Variants in SLC9C1 observed in about 807,000 individuals in gnomAD.
The protein encoded by SLC9C1 is solute carrier family 9 member C1.
A neutral mutation model predicts 140.9 loss-of-function variants in SLC9C1; 97 were observed. That is an observed-to-expected ratio of 0.69 (90% CI 0.58 to 0.82). The LOEUF (loss-of-function observed/expected upper bound fraction) is 0.82. SLC9C1 is among the 40% of genes least tolerant of loss of function. SLC9C1 has a pLI of 0.00. For synonymous variants in SLC9C1, 440 were observed against 442.6 expected (o/e 0.99, Z 0.07); for missense variants, 1,340 against 1,389.3 (o/e 0.96, Z 0.56).
At chr3:112,247,794 T>G (rs947203634) in intron 10 of SLC9C1, among the ~76,000 whole-genome samples, 1 of 152,098 alleles carries the variant, frequency 6.6e-6, no homozygotes, top group African/African-American at 2.4e-5. Flanking sequence ...AGAATGAGTA[T>G]GTTAGCAAAC....
chr3:112,210,825 A>T (rs969761862), intron 15 of SLC9C1, among the ~76,000 whole-genome samples: 1 of 152,196 alleles, frequency 6.6e-6, no homozygotes, highest in Non-Finnish European at 1.5e-5. Flanking sequence ...GCTACCACCC[A>T]CTTCAAAGCT....
Position 112,267,492 on chromosome 3 carries a change from C to T in SLC9C1, c.776-1152G>A, listed in dbSNP as rs12493751. Among the ~76,000 whole-genome samples, 276 of 144,772 alleles carry T rather than the reference C, an allele frequency of 1.9e-3. 6 individuals carry two copies. Among genetic ancestry groups the T allele is most frequent in the Admixed American group, 0.016 (220 of 13,800 alleles). The allele number at this position is 144,772 out of a possible 152,430, so 95.0% of individuals were successfully genotyped here. A position where few individuals can be genotyped will look rare whatever the true frequency, so the allele number is the denominator to read the frequency against. On this transcript the variant is annotated intron_variant, in intron 7 of 28. Transcript: ENST00000305815. ...TTGGGAGGCTGAGGCAGGAGAATGGCGAGAACCCGAAAGGTGGAGTTTGCA... is the reference window on the plus strand; with the variant it reads ...TTGGGAGGCTGAGGCAGGAGAATGGTGAGAACCCGAAAGGTGGAGTTTGCA...
chr3:112,166,740 A>T (rs916104569), intron 26 of SLC9C1, among the ~76,000 whole-genome samples: 3 of 152,010 alleles, frequency 2.0e-5, no homozygotes, highest in Admixed American at 6.6e-5. Flanking sequence ...TTTTAAATTT[A>T]TCTCAAAAGT....
rs142798462 is a variant in SLC9C1, at chr3:112,271,393, G to GTGTATATATATATATATATATA, written c.614-1317_614-1316insTATATATATATATATATATACA. 2.1e-4 allele frequency among the ~76,000 whole-genome samples: 27 copies of GTGTATATATATATATATATATA among 125,594 alleles called. No homozygotes were observed. In the South Asian group the frequency reaches 4.0e-3, roughly 19 times the overall value. 82.4% of individuals were successfully genotyped at this position (125,594 alleles called of 152,430 possible). ...TAGTTTGATTTAATCATTCTACATT[G>GTGTATATATATATATATATATA]TATATATATATATATATCAAAGCCT... On this transcript the variant is annotated intron_variant, in intron 6 of 28. Transcript: ENST00000305815.
At chr3:112,188,990 A>G (rs1398296341) in intron 20 of SLC9C1, among the ~76,000 whole-genome samples, 3 of 152,160 alleles carry the variant, frequency 2.0e-5, no homozygotes, top group African/African-American at 7.2e-5. Flanking sequence ...ACTAGTGATG[A>G]TGAGCATTTT....
In SLC9C1 at chr3:112,239,929, C is replaced by G. The variant is rs764826708; in HGVS notation, c.1357G>C (p.Ala453Pro). Residue 453 changes from alanine to proline, a missense_variant, in exon 12 of 29, where the codon GCA becomes CCA. By Grantham distance (27) the Ala-to-Pro change is conservative (BLOSUM62 -1). Transcript: ENST00000305815. ...FQHFQELTKS[A>P]ASALKFDKDL... Reference sequence around the variant, plus strand: ...TTGTCAAATTTAAGGGCAGAGGCTGCAGACTTGGTTAGCTCTTGAAAGTGT... The same window carrying G: ...TTGTCAAATTTAAGGGCAGAGGCTGGAGACTTGGTTAGCTCTTGAAAGTGT... 1.2e-6 allele frequency: 2 copies of G among 1,613,954 alleles called. No homozygotes were observed. Among genetic ancestry groups the G allele is most frequent in the Admixed American group, 3.3e-5 (2 of 60,008 alleles).
chr3:112,284,839 AT>A (rs2080457887), intron 2 of SLC9C1, among the ~76,000 whole-genome samples: 1 of 152,126 alleles, frequency 6.6e-6, no homozygotes, highest in South Asian at 2.1e-4. Flanking sequence ...TATTCAAACT[AT>A]TCTTTATAAA....
intron 10 of SLC9C1, among the ~76,000 whole-genome samples, chr3:112,257,525 G>C (rs10804496): frequency 0.3 from 45,034 of 151,886 alleles, 7,233 homozygotes; most frequent in East Asian, 0.43. Flanking sequence ...GGACCCCTTC[G>C]TTACACTACA....
intron 28 of SLC9C1, chr3:112,147,483 G>A (rs1367762130): frequency 9.6e-6 from 4 of 418,410 alleles, no homozygotes; most frequent in African/African-American, 6.3e-5. Flanking sequence ...TGGTCTCATG[G>A]TAATGAATTC....
At chr3:112,241,908 G>A (rs1200617412) in intron 11 of SLC9C1, among the ~76,000 whole-genome samples, 6 of 152,170 alleles carry the variant, frequency 3.9e-5, no homozygotes, top group Admixed American at 6.5e-5. Context: ...GCAGAACAAT[G>A]AAACTGGACC....
chr3:112,210,942 C>A (rs914197294), intron 15 of SLC9C1, among the ~76,000 whole-genome samples: 1 of 152,012 alleles, frequency 6.6e-6, no homozygotes, highest in African/African-American at 2.4e-5. Flanking sequence ...GATCATTTTT[C>A]TTTTATATTA....
intron 23 of SLC9C1, among the ~76,000 whole-genome samples, chr3:112,170,692 ACAGAT>A (rs1293873958): frequency 6.6e-6 from 1 of 152,246 alleles, no homozygotes; most frequent in Non-Finnish European, 1.5e-5. Context: ...CTAAAAGTGA[ACAGAT>A]CATTGGTTAC....
At position 112,239,842 on chromosome 3, in the gene SLC9C1, T is replaced by C. The variant is rs879036998; in HGVS notation, c.1444A>G (p.Met482Val). 1.2e-6 allele frequency: 2 copies of C among 1,609,902 alleles called. No individual in the cohort carries two copies. Among genetic ancestry groups the C allele is most frequent in the Admixed American group, 3.4e-5 (2 of 59,354 alleles). Residue 482 changes from methionine (M) to valine (V), a missense_variant and splice_region_variant, in exon 12 of 29, where the codon ATG becomes GTG. Transcript: ENST00000305815. The part of the protein sequence containing the change: ...EKAITLENPY[M>V]LNEEETTEHQ... Reference sequence around the variant, plus strand: ...TAAAAAAGATATTACTTGCTTACCATGTATGGGTTTTCAAGTGTAATTGCT... The same window carrying C: ...TAAAAAAGATATTACTTGCTTACCACGTATGGGTTTTCAAGTGTAATTGCT...
intron 20 of SLC9C1, among the ~76,000 whole-genome samples, chr3:112,198,443 C>T (rs190480502): frequency 1.3e-4 from 19 of 151,874 alleles, no homozygotes; most frequent in Non-Finnish European, 2.2e-4. Context: ...ATAAGACCTC[C>T]AGCATAGTTA....
chr3:112,283,556 C>T (rs2080418553), intron 2 of SLC9C1, among the ~76,000 whole-genome samples: 1 of 150,784 alleles, frequency 6.6e-6, no homozygotes, highest in African/African-American at 2.4e-5. Flanking sequence ...TCTTTCCAAA[C>T]ATTTTTCTAA....
At chr3:112,263,456 G>A (rs368412082) in intron 9 of SLC9C1, among the ~76,000 whole-genome samples, 70 of 151,794 alleles carry the variant, frequency 4.6e-4, no homozygotes, top group African/African-American at 1.6e-3. Context: ...GTGAGAAAAT[G>A]TTCTCTGTTT....
Position 112,199,380 on chromosome 3 carries a change from G to A in SLC9C1, c.2464C>T (p.Leu822Phe), listed in dbSNP as rs754868420. The A allele has an allele frequency of 6.3e-7, 1 of 1,597,140 alleles. No homozygotes were observed. The highest frequency in any genetic ancestry group is 1.7e-5 in the Admixed American group (1 of 57,946). ...ATTCCTTTTAAGCCAAAAGCCTTAAGAATTTCTGTAGCCATATTGAGCATA... is the reference window on the plus strand; with the variant it reads ...ATTCCTTTTAAGCCAAAAGCCTTAAAAATTTCTGTAGCCATATTGAGCATA... ...NVMLNMATEI[L>F]KAFGLKGIIS... Residue 822 changes from leucine (L) to phenylalanine (F), a missense_variant, in exon 20 of 29, where the codon CTT (leucine) becomes TTT (phenylalanine). Physicochemically the swap from Leu to Phe is conservative, Grantham distance 22 (BLOSUM62 0). Coordinates refer to ENST00000305815, the MANE Select transcript of SLC9C1 (RefSeq NM_183061.3).
At chr3:112,188,660 A>T (rs2077587265) in intron 20 of SLC9C1, among the ~76,000 whole-genome samples, 1 of 152,128 alleles carries the variant, frequency 6.6e-6, no homozygotes, top group Non-Finnish European at 1.5e-5. Flanking sequence ...GTTGGTTCCA[A>T]GTCTTTGCTA....
At chr3:112,231,283 C>CAAG in intron 13 of SLC9C1, 78 bp downstream of exon 13, 1 of 1,545,244 alleles carries the variant, frequency 6.5e-7, no homozygotes, top group South Asian at 1.2e-5. Flanking sequence ...TGAGCATGAT[C>CAAG]AAGATGTCTT....
Sources: allele counts gnomAD v4.1 joint callset (sites outside exome capture counted in the v4.1 genomes callset), GRCh38; gene constraint gnomAD v4.1.1; transcripts MANE v1.5; gene names NCBI Gene and HGNC (gene_info 2026-07-23, HGNC 2026-07-21).